Variants in CCDC91 observed in about 807,000 individuals in gnomAD.
CCDC91 encodes the protein coiled-coil domain containing 91, also known as coiled-coil domain-containing protein 91.
Under a neutral mutation model 63.2 loss-of-function variants are expected in CCDC91, and 48 were observed. That is an observed-to-expected ratio of 0.76 (90% confidence interval 0.60 to 0.97). CCDC91 has a LOEUF of 0.97. Ranked by LOEUF, CCDC91 falls within the 50% of genes least tolerant of loss-of-function variation. The pLI is 0.00. For synonymous variants in CCDC91, 167 were observed against 165.8 expected (o/e 1.01, Z -0.06); for missense variants, 500 against 494.6 (o/e 1.01, Z -0.10).
At chr12:28,220,568 T>C (rs1195697687) in intron 1 of CCDC91, among the ~76,000 whole-genome samples, 1 of 151,866 alleles carries the variant, frequency 6.6e-6, no homozygotes, top group African/African-American at 2.4e-5. Flanking sequence ...GATTTCAATC[T>C]GTTTTTGTCT....
At chr12:28,540,711 A>G (rs1318314660) in intron 12 of CCDC91, among the ~76,000 whole-genome samples, 1 of 152,148 alleles carries the variant, frequency 6.6e-6, no homozygotes, top group Non-Finnish European at 1.5e-5. Flanking sequence ...CTTTGTCCTT[A>G]TTAATCCCCT....
intron 7 of CCDC91, among the ~76,000 whole-genome samples, chr12:28,381,652 T>G (rs1413140084): frequency 1.3e-5 from 2 of 152,134 alleles, no homozygotes; most frequent in Admixed American, 1.3e-4. Context: ...TTTACTCAGT[T>G]CATCAAGTTC....
rs1941840441 is a variant in CCDC91, at chr12:28,532,688, C to A, written c.1216-16375C>A. On this transcript the variant is annotated intron_variant, in intron 12 of 12. Coordinates refer to ENST00000536442, the MANE Select transcript of CCDC91 (RefSeq NM_018318.5). ...TTATTATGTCAACAAGCATAGTACACAGGAAACTCCATGTTTTATAACTAG... is the reference window on the plus strand; with the variant it reads ...TTATTATGTCAACAAGCATAGTACAAAGGAAACTCCATGTTTTATAACTAG... Among the ~76,000 whole-genome samples the A allele has an allele frequency of 2.0e-5, 3 of 151,996 alleles. No homozygotes were observed. In the South Asian group the frequency reaches 6.2e-4, roughly 31 times the overall value.
intron 12 of CCDC91, among the ~76,000 whole-genome samples, chr12:28,511,255 C>T (rs1279419379): frequency 1.3e-5 from 2 of 151,868 alleles, no homozygotes; most frequent in African/African-American, 4.8e-5. Flanking sequence ...CACTCCCACC[C>T]TACTACAGTA....
chr12:28,439,414 C>T (rs189419313), intron 8 of CCDC91, among the ~76,000 whole-genome samples: 5 of 152,196 alleles, frequency 3.3e-5, no homozygotes, highest in East Asian at 3.9e-4. Context: ...GGCGTATTTA[C>T]GAGTGTGTTT....
rs1944004321 is a variant in CCDC91, at chr12:28,362,997, T to TAAGC, written c.654+482_654+483insAAGC. On this transcript the variant is annotated intron_variant, in intron 7 of 12. Transcript: ENST00000536442. ...TTAATATTTAAAATTATTTTAAAAA[T>TAAGC]TATTCAATTCTGTGCCTGCATAAGC... Among the ~76,000 whole-genome samples the TAAGC allele has an allele frequency of 2.6e-5, 4 of 152,320 alleles. No individual in the cohort carries two copies. The South Asian group carries it at 8.3e-4, about 32-fold the overall frequency.
At chr12:28,355,465 T>C (rs981460005) in intron 6 of CCDC91, among the ~76,000 whole-genome samples, 4 of 152,198 alleles carry the variant, frequency 2.6e-5, no homozygotes, top group African/African-American at 7.2e-5. Context: ...GCAACAATCA[T>C]GGCACTGTTG....
In CCDC91 at chr12:28,256,453, G is replaced by A. The variant is rs188174246; in HGVS notation, c.-14-749G>A. 3.5e-3 allele frequency among the ~76,000 whole-genome samples: 525 copies of A among 148,616 alleles called. 6 individuals carry two copies. The highest frequency in any genetic ancestry group is 0.012 in the African/African-American group (495 of 40,492). On this transcript the variant is annotated intron_variant, in intron 1 of 12. Transcript: ENST00000536442. ...CTCCTTTTTTTTTTTTTAAAGCCCT[G>A]ATACTAATGGTTTTATCTTTTCATT...
intron 8 of CCDC91, among the ~76,000 whole-genome samples, chr12:28,434,534 T>A (rs1449454206): frequency 6.6e-6 from 1 of 151,010 alleles, no homozygotes; most frequent in African/African-American, 2.4e-5. Context: ...ATTTGCTAAT[T>A]TTTGAATTTA....
intron 3 of CCDC91, among the ~76,000 whole-genome samples, chr12:28,281,901 C>T (rs529692190): frequency 1.3e-5 from 2 of 151,978 alleles, no homozygotes; most frequent in African/African-American, 2.4e-5. Flanking sequence ...GTTAACAGTG[C>T]GAAAATCTGT....
intron 1 of CCDC91, among the ~76,000 whole-genome samples, chr12:28,230,844 C>T (rs375598027): frequency 5.9e-5 from 9 of 152,152 alleles, no homozygotes; most frequent in East Asian, 1.9e-4. Flanking sequence ...AGGCTGGTCT[C>T]GAACTCCTGG....
chr12:28,416,266 T>A (rs1318814882), intron 8 of CCDC91, among the ~76,000 whole-genome samples: 2 of 152,210 alleles, frequency 1.3e-5, no homozygotes, highest in African/African-American at 4.8e-5. Context: ...AGCATTTATA[T>A]TAAATAGGTA....
At chr12:28,350,524 T>C (rs958306379) in intron 6 of CCDC91, among the ~76,000 whole-genome samples, 3 of 152,198 alleles carry the variant, frequency 2.0e-5, no homozygotes, top group African/African-American at 7.2e-5. Context: ...TGAGGTTTTT[T>C]GGTGTGTGAA....
intron 1 of CCDC91, among the ~76,000 whole-genome samples, chr12:28,243,215 G>A (rs1945463977): frequency 6.6e-6 from 1 of 152,168 alleles, no homozygotes; most frequent in African/African-American, 2.4e-5. Context: ...CAGGGTATGG[G>A]AGTCAGTAGG....
intron 11 of CCDC91, among the ~76,000 whole-genome samples, chr12:28,482,704 A>C (rs867891149): frequency 6.6e-6 from 1 of 151,986 alleles, no homozygotes; most frequent in Non-Finnish European, 1.5e-5. Context: ...GCTTCTTATA[A>C]GAAGAAATTT....
chr12:28,316,998 T>C (rs1280715637), intron 6 of CCDC91, among the ~76,000 whole-genome samples: 1 of 151,938 alleles, frequency 6.6e-6, no homozygotes, highest in Non-Finnish European at 1.5e-5. Context: ...TGTGTAGACC[T>C]CTCTCAGTTT....
At chr12:28,234,193 G>A (rs1442396219) in intron 1 of CCDC91, among the ~76,000 whole-genome samples, 2 of 152,070 alleles carry the variant, frequency 1.3e-5, no homozygotes, top group Non-Finnish European at 2.9e-5. Flanking sequence ...ATATGTACAT[G>A]CTTTATAACA....
intron 7 of CCDC91, among the ~76,000 whole-genome samples, chr12:28,375,111 A>G (rs1326258948): frequency 6.7e-6 from 1 of 150,198 alleles, no homozygotes; most frequent in Non-Finnish European, 1.5e-5. Flanking sequence ...GCTATTTACT[A>G]ATATTTTGAC....
intron 12 of CCDC91, among the ~76,000 whole-genome samples, chr12:28,485,741 T>G (rs1049659584): frequency 2.0e-5 from 3 of 152,068 alleles, no homozygotes; most frequent in Non-Finnish European, 4.4e-5. Flanking sequence ...GGCCAAAGAG[T>G]CAATTGGCTT....
Sources: gnomAD v4.1 joint callset for allele counts (sites outside exome capture counted in the v4.1 genomes callset) on GRCh38, gnomAD v4.1.1 for gene constraint, MANE v1.5 for transcripts, NCBI Gene and HGNC (gene_info 2026-07-23, HGNC 2026-07-21) for gene names.